Variants in U2SURP observed in about 807,000 individuals in gnomAD.
U2SURP encodes U2 snRNP associated SURP domain containing, also known as U2 snRNP-associated SURP motif-containing protein.
U2SURP carries 9 observed loss-of-function variants against 144.9 expected under a neutral mutation model. The ratio of observed to expected loss-of-function variants is 0.06; its 90% CI spans 0.04 to 0.11. The LOEUF (loss-of-function observed/expected upper bound fraction) is 0.11. Ranked by LOEUF, U2SURP falls within the 10% of genes least tolerant of loss-of-function variation. The pLI is 1.00. For synonymous variants in U2SURP, 408 were observed against 396.8 expected (o/e 1.03, Z -0.33); for missense variants, 724 against 1,226.7 (o/e 0.59, Z 6.12).
intron 26 of U2SURP, among the ~76,000 whole-genome samples, chr3:143,054,219 C>CTT (rs1935032247): frequency 6.6e-6 from 1 of 152,160 alleles, no homozygotes; most frequent in Non-Finnish European, 1.5e-5. Context: ...CCAAAGCTCA[C>CTT]CTTAAGTCTT....
In U2SURP at chr3:143,052,124, C is replaced by T. The variant is rs776990975; in HGVS notation, c.2655+1075C>T. Among the ~76,000 whole-genome samples the T allele has an allele frequency of 1.2e-4, 19 of 152,284 alleles. No homozygotes were observed. In the Middle Eastern group the frequency reaches 0.01, roughly 82 times the overall value. ...ACTTATGGCTGGGCGCAGTTGCTCA[C>T]GCCTGTAATCCCAGCACTTCGGGAG... On this transcript the variant is annotated intron_variant, in intron 25 of 27. Coordinates refer to ENST00000473835, the MANE Select transcript of U2SURP (RefSeq NM_001080415.2).
intron 23 of U2SURP, 31 bp from the exon 24 acceptor site, chr3:143,043,086 G>T: frequency 6.4e-7 from 1 of 1,571,132 alleles, no homozygotes; most frequent in South Asian, 1.2e-5. Flanking sequence ...TTGCTGCCTT[G>T]ACATACAATG....
At chr3:143,036,553 C>T (rs888917063) in intron 20 of U2SURP, among the ~76,000 whole-genome samples, 1 of 151,996 alleles carries the variant, frequency 6.6e-6, no homozygotes, top group African/African-American at 2.4e-5. Context: ...TTAATTCTGC[C>T]ATGCTAGTCA....
intron 4 of U2SURP, among the ~76,000 whole-genome samples, chr3:143,015,205 T>C (rs1936305639): frequency 6.6e-6 from 1 of 152,148 alleles, no homozygotes; most frequent in Admixed American, 6.5e-5. Flanking sequence ...TGGATTTCTC[T>C]CATTATGAGT....
chr3:143,019,818 G>A, intron 6 of U2SURP, 151 bp from the exon 7 acceptor site: 3 of 379,566 alleles, frequency 7.9e-6, no homozygotes, highest in Middle Eastern at 7.1e-4. Flanking sequence ...GGGGAAGGGA[G>A]GTTCAATGAT....
At chr3:143,020,322 G>A (rs1210255958) in intron 7 of U2SURP, among the ~76,000 whole-genome samples, 1 of 152,152 alleles carries the variant, frequency 6.6e-6, no homozygotes, top group African/African-American at 2.4e-5. Flanking sequence ...GGAGTGAGGG[G>A]CAGTTAGACT....
chr3:143,004,250 G>A, intron 1 of U2SURP, among the ~76,000 whole-genome samples: 1 of 151,644 alleles, frequency 6.6e-6, no homozygotes, highest in African/African-American at 2.4e-5. Flanking sequence ...TCTAGACATT[G>A]GGAAAATGTT....
In U2SURP at chr3:143,059,802, CTAG is replaced by C. The variant is rs1935302441; in HGVS notation, c.*3355_*3357del. 6.6e-6 allele frequency: 1 copy of C among 152,034 alleles called. No individual in the cohort carries two copies. The highest frequency in any genetic ancestry group is 2.1e-4 in the South Asian group (1 of 4,832). 9.4% of individuals were successfully genotyped at this position (152,034 alleles called of 1,614,324 possible). ...AATTGTGCAGATACTAGTGAAGATA[CTAG>C]TATAAGTTTAAAGGAACACGTGACT... On this transcript the variant is annotated 3_prime_UTR_variant, in exon 28 of 28. Coordinates refer to ENST00000473835, the MANE Select transcript of U2SURP (RefSeq NM_001080415.2).
At chr3:143,050,693 A>C (rs909041819) in intron 24 of U2SURP, among the ~76,000 whole-genome samples, 4 of 152,180 alleles carry the variant, frequency 2.6e-5, no homozygotes, top group Non-Finnish European at 5.9e-5. Context: ...TGTTGAGAGA[A>C]TAAGTGAGTT....
chr3:143,032,764 T>G lies in U2SURP; in HGVS notation c.1611-20T>G. 1 of 1,596,846 alleles carries G rather than the reference T, an allele frequency of 6.3e-7. No individual in the cohort carries two copies. On this transcript the variant is annotated intron_variant, in intron 16 of 27. Transcript: ENST00000473835. ...GAAATTGTATCTAAATATTTATAAG[T>G]TAAAACAATTTATGTTCAGACAGAG...
chr3:143,050,691 G>C (rs1934810614), intron 24 of U2SURP, among the ~76,000 whole-genome samples: 1 of 152,154 alleles, frequency 6.6e-6, no homozygotes, highest in African/African-American at 2.4e-5. Context: ...TGTGTTGAGA[G>C]AATAAGTGAG....
chr3:143,031,785 A>G (rs1468842180), intron 16 of U2SURP, among the ~76,000 whole-genome samples: 4 of 152,208 alleles, frequency 2.6e-5, no homozygotes, highest in Non-Finnish European at 5.9e-5. Flanking sequence ...CAGTCTATAA[A>G]TCTTAATACT....
intron 1 of U2SURP, chr3:143,002,218 G>A (rs1247166123): frequency 5.3e-6 from 1 of 187,732 alleles, no homozygotes; most frequent in Non-Finnish European, 1.1e-5. Flanking sequence ...GCTCTCCTTT[G>A]CAGTGCTGCA....
intron 24 of U2SURP, among the ~76,000 whole-genome samples, chr3:143,047,653 G>C (rs1934590431): frequency 1.9e-5 from 1 of 52,854 alleles, no homozygotes; most frequent in African/African-American, 9.8e-5. Flanking sequence ...TCCCGGACGG[G>C]GCGGCTGGCC....
chr3:143,043,582 T>C (rs1934234618), intron 24 of U2SURP, among the ~76,000 whole-genome samples: 1 of 152,160 alleles, frequency 6.6e-6, no homozygotes, highest in South Asian at 2.1e-4. Context: ...GCTTATTTAA[T>C]GTCTGTCTTC....
intron 14 of U2SURP, 74 bp from the exon 15 acceptor site, chr3:143,028,266 C>T: frequency 6.9e-7 from 1 of 1,440,562 alleles, no homozygotes; most frequent in Non-Finnish European, 9.5e-7. Flanking sequence ...TAATATTTCT[C>T]ATTTATTTAT....
Position 143,053,739 on chromosome 3 carries a change from T to A in U2SURP, c.2719T>A (p.Ser907Thr), listed in dbSNP as rs1328075833. 6.2e-7 allele frequency: 1 copy of A among 1,609,112 alleles called. No individual in the cohort carries two copies. Among genetic ancestry groups the A allele is most frequent in the South Asian group, 1.1e-5 (1 of 89,768 alleles). The change falls in exon 26 of 28, where the codon TCT (serine) becomes ACT (threonine). Residue 907 changes from serine to threonine, a missense_variant. Ser to Thr is a moderately conservative substitution (Grantham distance 58). Coordinates refer to ENST00000473835, the MANE Select transcript of U2SURP (RefSeq NM_001080415.2). Reference protein sequence around the residue: ...RDKKDKEKLESRSKDKKEKDE... With the variant: ...RDKKDKEKLETRSKDKKEKDE... Reference sequence around the variant, plus strand: ...CAAGAAAGATAAAGAAAAATTGGAATCTCGCTCCAAAGACAAGAAGGAAAA... The same window carrying A: ...CAAGAAAGATAAAGAAAAATTGGAAACTCGCTCCAAAGACAAGAAGGAAAA...
intron 4 of U2SURP, among the ~76,000 whole-genome samples, chr3:143,014,816 G>A (rs915200526): frequency 6.6e-6 from 1 of 151,930 alleles, no homozygotes; most frequent in African/African-American, 2.4e-5. Flanking sequence ...ATTTGCTATG[G>A]CTGTGTAGAT....
intron 8 of U2SURP, 21 bp downstream of exon 8, chr3:143,020,714 T>C (rs769832630): frequency 4.5e-6 from 7 of 1,560,028 alleles, no homozygotes; most frequent in Non-Finnish European, 5.3e-6. Flanking sequence ...TTTATTTTAA[T>C]GTGTATGCTT....
Sources: allele counts gnomAD v4.1 joint callset (sites outside exome capture counted in the v4.1 genomes callset), GRCh38; gene constraint gnomAD v4.1.1; transcripts MANE v1.5; gene names NCBI Gene and HGNC (gene_info 2026-07-23, HGNC 2026-07-21).